Variants in SGK3 observed in about 807,000 individuals in gnomAD.
The protein encoded by SGK3 is serum/glucocorticoid regulated kinase family member 3, also known as serine/threonine-protein kinase Sgk3.
A neutral mutation model predicts 68.5 loss-of-function variants in SGK3; 47 were observed. That is an observed-to-expected ratio of 0.69 (90% CI 0.54 to 0.87). The LOEUF is 0.87. Ranked by LOEUF, SGK3 falls within the 40% of genes least tolerant of loss-of-function variation. The pLI, the probability that SGK3 is intolerant of heterozygous loss-of-function variation, is 0.00. For synonymous variants in SGK3, 181 were observed against 189.1 expected (o/e 0.96, Z 0.35); for missense variants, 479 against 575.5 (o/e 0.83, Z 1.72).
chr8:66,845,415 C>CA (rs537290447), intron 14 of SGK3, among the ~76,000 whole-genome samples: 1 of 151,858 alleles, frequency 6.6e-6, no homozygotes, highest in South Asian at 2.1e-4. Context: ...AAACAAAAAA[C>CA]AAAAAAAGTC....
intron 1 of SGK3, among the ~76,000 whole-genome samples, chr8:66,792,206 G>A (rs562761005): frequency 4.6e-5 from 7 of 151,842 alleles, no homozygotes; most frequent in East Asian, 1.9e-4. Context: ...GCACGTGCCC[G>A]TAATTCCAGC....
intron 1 of SGK3, among the ~76,000 whole-genome samples, chr8:66,741,161 G>A (rs1175382933): frequency 6.6e-6 from 1 of 152,088 alleles, no homozygotes; most frequent in Admixed American, 6.6e-5. Flanking sequence ...TACTTAATAG[G>A]CAGAGTAGGC....
In SGK3 at chr8:66,801,559, A is replaced by G. The variant is rs111899019; in HGVS notation, c.181-2816A>G. 4.6e-5 allele frequency among the ~76,000 whole-genome samples: 7 copies of G among 152,164 alleles called. No homozygotes were observed. In the East Asian group the frequency reaches 7.7e-4, roughly 17 times the overall value. On this transcript the variant is annotated intron_variant, in intron 3 of 16. Transcript: ENST00000521198. ...TGTCTTTGAGGAGTGTGTAAATCCAACTGTACCCACCAGGATGCCTGGGTT... is the reference window on the plus strand; with the variant it reads ...TGTCTTTGAGGAGTGTGTAAATCCAGCTGTACCCACCAGGATGCCTGGGTT...
rs187575680 is a variant in SGK3 at position 66,835,035 on chromosome 8, C to T, written c.526-728C>T. On this transcript the variant is annotated intron_variant, in intron 8 of 16. Transcript: ENST00000521198. ...CTGTTATCCCAGCACTTGGTGAGGT[C>T]GAGGCAGGTGGATCACTTGAGCCCA... Among the ~76,000 whole-genome samples the T allele has an allele frequency of 4.3e-3, 652 of 151,964 alleles. 6 individuals carry two copies. The highest frequency in any genetic ancestry group is 0.015 in the African/African-American group (621 of 41,434).
chr8:66,767,518 G>C (rs773513918), intron 1 of SGK3: 3 of 1,512,714 alleles, frequency 2.0e-6, no homozygotes, highest in Non-Finnish European at 2.8e-6. Flanking sequence ...AGGTGAAGGG[G>C]GGCCCAGCTG....
chr8:66,838,506 T>A (rs1200825441), intron 10 of SGK3, among the ~76,000 whole-genome samples: 1 of 152,158 alleles, frequency 6.6e-6, no homozygotes, highest in Non-Finnish European at 1.5e-5. Flanking sequence ...AGTGCCACCT[T>A]GTGTCTTTGA....
chr8:66,735,460 G>A (rs1485617957), intron 1 of SGK3, among the ~76,000 whole-genome samples: 1 of 152,152 alleles, frequency 6.6e-6, no homozygotes, highest in Non-Finnish European at 1.5e-5. Context: ...CGCTTTTAAT[G>A]GTTAAATTAT....
chr8:66,735,932 C>T (rs1168270529), intron 1 of SGK3, among the ~76,000 whole-genome samples: 1 of 152,174 alleles, frequency 6.6e-6, no homozygotes, highest in Non-Finnish European at 1.5e-5. Context: ...AAACAGAATA[C>T]TGTCTTTAAA....
At chr8:66,795,346 C>A (rs1807636616) in intron 2 of SGK3, among the ~76,000 whole-genome samples, 1 of 152,186 alleles carries the variant, frequency 6.6e-6, no homozygotes, top group Non-Finnish European at 1.5e-5. Context: ...CCTTCTCAGC[C>A]TCTATATTGC....
intron 1 of SGK3, among the ~76,000 whole-genome samples, chr8:66,749,284 C>T (rs972889586): frequency 4.6e-5 from 7 of 152,004 alleles, no homozygotes; most frequent in South Asian, 2.1e-4. Flanking sequence ...GAGGCCGAGG[C>T]GGGCGGATCA....
intron 5 of SGK3, among the ~76,000 whole-genome samples, chr8:66,819,362 T>A (rs1808718038): frequency 6.6e-6 from 1 of 152,160 alleles, no homozygotes; most frequent in African/African-American, 2.4e-5. Context: ...TTCAGACGAG[T>A]AATTTTATTT....
chr8:66,744,526 T>C (rs900012287), intron 1 of SGK3, among the ~76,000 whole-genome samples: 1 of 100,036 alleles, frequency 1.0e-5, no homozygotes, highest in East Asian at 2.8e-4. Context: ...TATATTTTTT[T>C]TTTTTTTTTT....
chr8:66,801,670 T>C (rs1052077214), intron 3 of SGK3, among the ~76,000 whole-genome samples: 2 of 150,392 alleles, frequency 1.3e-5, no homozygotes, highest in Admixed American at 6.6e-5. Flanking sequence ...TCTCTCTCTC[T>C]CACACACACA....
chr8:66,775,721 CTTTACT>C (rs1270982717), intron 1 of SGK3: 1 of 152,192 alleles, frequency 6.6e-6, no homozygotes, highest in Non-Finnish European at 1.5e-5. Flanking sequence ...TGCGGTGGGG[CTTTACT>C]TTTACTTTGT....
rs532062171 is a variant in SGK3, at chr8:66,758,942, C to T, written c.-121-34674C>T. The stretch of plus-strand genomic sequence containing the variant: ...AAAGCAACAAAAATTTATTCTGTTA[C>T]AGTTCTGGAGGCTGGAAATCAAAGG... On this transcript the variant is annotated intron_variant, in intron 1 of 16. Transcript: ENST00000521198. Among the ~76,000 whole-genome samples the T allele has an allele frequency of 2.6e-4, 39 of 152,290 alleles. 1 individual carries two copies. In the South Asian group the frequency reaches 7.0e-3, roughly 27 times the overall value.
At chr8:66,847,457 TAGCAACATGG>T in intron 15 of SGK3, 109 bp downstream of exon 15, 1 of 1,461,316 alleles carries the variant, frequency 6.8e-7, no homozygotes, top group Non-Finnish European at 9.2e-7. Context: ...ATGCGGAGAA[TAGCAACATGG>T]AAAAAAAGCA....
intron 2 of SGK3, among the ~76,000 whole-genome samples, chr8:66,796,043 G>T (rs891844314): frequency 6.6e-6 from 1 of 152,120 alleles, no homozygotes; most frequent in Admixed American, 6.6e-5. Flanking sequence ...CAATCCTCAA[G>T]AAATTTGATT....
intron 1 of SGK3, among the ~76,000 whole-genome samples, chr8:66,718,156 G>T (rs1804691505): frequency 6.6e-6 from 1 of 151,744 alleles, no homozygotes; most frequent in South Asian, 2.1e-4. Context: ...CTCCGAAGTA[G>T]CTGGGACTAC....
At chr8:66,849,847 G>A (rs1810193904) in intron 15 of SGK3, among the ~76,000 whole-genome samples, 1 of 152,072 alleles carries the variant, frequency 6.6e-6, no homozygotes, top group South Asian at 2.1e-4. Context: ...CCAAAGTGCT[G>A]GGATTATAGG....
Sources: allele counts gnomAD v4.1 joint callset (sites outside exome capture counted in the v4.1 genomes callset), GRCh38; gene constraint gnomAD v4.1.1; transcripts MANE v1.5; gene names NCBI Gene and HGNC (gene_info 2026-07-23, HGNC 2026-07-21).